The following NRP1 variants were observed in gnomAD, a reference collection of about 807,000 sequenced individuals.
NRP1 encodes the protein neuropilin 1.
A neutral mutation model predicts 106.7 loss-of-function variants in NRP1; 35 were observed. The observed-to-expected ratio is 0.33, with a 90% CI of 0.25 to 0.43. NRP1 has a LOEUF of 0.43. Among genes scored for constraint, NRP1 ranks in the 20% least tolerant of loss-of-function variants. The pLI, the probability that NRP1 is intolerant of heterozygous loss-of-function variation, is 1.00. For synonymous variants in NRP1, 437 were observed against 417.9 expected, an observed-to-expected ratio of 1.05 and a Z score of -0.56; for missense variants, 1,024 against 1,170.4, an observed-to-expected ratio of 0.87 and a Z score of 1.83.
chr10:33,245,886 G>A lies in NRP1; in HGVS notation c.981+8142C>T, dbSNP rs550087009. On this transcript the variant is annotated intron_variant, in intron 6 of 16. Coordinates refer to ENST00000374867, the MANE Select transcript of NRP1 (RefSeq NM_003873.7). ...AAGAAACCAAAACTGTAAGTAAAAT[G>A]GAAAGTTGATGCTACACAGGTAATT... Among the ~76,000 whole-genome samples the A allele has an allele frequency of 2.6e-5, 4 of 152,240 alleles. No homozygotes were observed. The East Asian group carries it at 5.8e-4, about 22-fold the overall frequency.
chr10:33,288,978 C>T (rs1844787281), intron 2 of NRP1, among the ~76,000 whole-genome samples: 1 of 152,046 alleles, frequency 6.6e-6, no homozygotes, highest in Admixed American at 6.6e-5. Context: ...TTCTGAGAAT[C>T]AAAAACAGTA....
chr10:33,295,239 T>C (rs143159494), intron 2 of NRP1, among the ~76,000 whole-genome samples: 6 of 152,138 alleles, frequency 3.9e-5, no homozygotes, highest in African/African-American at 1.4e-4. Flanking sequence ...AATAAAACAG[T>C]GGTGGGAGAG....
At chr10:33,252,645 G>A in intron 6 of NRP1, among the ~76,000 whole-genome samples, 1 of 152,070 alleles carries the variant, frequency 6.6e-6, no homozygotes, top group Non-Finnish European at 1.5e-5. Flanking sequence ...CAAAATGTAA[G>A]CTTCCCCCGA....
chr10:33,260,089 C>T (rs564219909), intron 4 of NRP1, among the ~76,000 whole-genome samples: 2 of 152,268 alleles, frequency 1.3e-5, no homozygotes, highest in African/African-American at 4.8e-5. Context: ...TCTTGAACTC[C>T]TGGCCTCAAG....
intron 2 of NRP1, among the ~76,000 whole-genome samples, chr10:33,290,347 G>T (rs913109739): frequency 1.1e-4 from 14 of 121,794 alleles, no homozygotes; most frequent in African/African-American, 3.4e-4. Flanking sequence ...GTTACCAAGA[G>T]GTTTTTTTTT....
At chr10:33,255,440 A>G (rs1334534981) in intron 5 of NRP1, among the ~76,000 whole-genome samples, 1 of 151,812 alleles carries the variant, frequency 6.6e-6, no homozygotes, top group African/African-American at 2.4e-5. Flanking sequence ...TGCACAAACA[A>G]TTTTTTCTTT....
chr10:33,237,667 C>G (rs949214642), intron 6 of NRP1, among the ~76,000 whole-genome samples: 2 of 149,794 alleles, frequency 1.3e-5, no homozygotes, highest in Non-Finnish European at 3.0e-5. Flanking sequence ...CAACCTCCAC[C>G]TCTTGAGTTC....
rs764061468 is a variant in NRP1 at position 33,270,835 on chromosome 10, G to A, written c.270C>T (p.Phe90=). 2.2e-5 allele frequency: 35 copies of A among 1,612,418 alleles called. No individual in the cohort carries two copies. Among genetic ancestry groups the A allele is most frequent in the East Asian group, 1.3e-4 (6 of 44,826 alleles). The change falls in exon 3 of 17, where the codon TTC becomes TTT. Residue 90 remains phenylalanine, a synonymous_variant. Transcript: ENST00000374867. ...RDCKYDYVEV[F]DGENENGHFR... ...AATGTCCATTTTCATTTTCTCCATC[G>A]AAGACTTCCACGTAGTCATACCTAA... is the stretch of plus-strand genomic sequence containing the variant.
chr10:33,206,154 C>G (rs569992929), intron 10 of NRP1: 4 of 508,290 alleles, frequency 7.9e-6, no homozygotes, highest in African/African-American at 5.8e-5. Context: ...TTCACTCCAC[C>G]TCCTAAATCA....
intron 8 of NRP1, among the ~76,000 whole-genome samples, chr10:33,216,445 C>T (rs1220253637): frequency 2.0e-5 from 3 of 149,880 alleles, no homozygotes; most frequent in East Asian, 2.0e-4. Flanking sequence ...CTCTACACCC[C>T]GGCCTTTTTT....
In NRP1 at chr10:33,197,724, CA is replaced by C; in HGVS notation, c.1865-16del. ...AGTGGTGCCACCTGAAAAACAAAAA[CA>C]GGAACATGCAAAAATAAGAAAACAG... On this transcript the variant is annotated splice_polypyrimidine_tract_variant and intron_variant, in intron 11 of 16. Transcript: ENST00000374867. 6.5e-7 allele frequency: 1 copy of C among 1,543,408 alleles called. No individual in the cohort carries two copies. Among genetic ancestry groups the C allele is most frequent in the Non-Finnish European group, 8.9e-7 (1 of 1,123,490 alleles).
At chr10:33,280,975 G>T (rs1180629289) in intron 2 of NRP1, among the ~76,000 whole-genome samples, 1 of 106,818 alleles carries the variant, frequency 9.4e-6, no homozygotes, top group Middle Eastern at 4.4e-3. Context: ...TGTCTCAAAA[G>T]AAAAAAAAAA....
chr10:33,213,098 T>A, intron 9 of NRP1: 1 of 743,984 alleles, frequency 1.3e-6, no homozygotes, highest in Non-Finnish European at 2.1e-6. Flanking sequence ...ATGGCTGCTG[T>A]CAGCCTTGGG....
chr10:33,182,737 G>C lies in NRP1; in HGVS notation c.2443C>G (p.Leu815Val). 1.2e-6 allele frequency: 2 copies of C among 1,612,604 alleles called. No individual in the cohort carries two copies. Among genetic ancestry groups the C allele is most frequent in the South Asian group, 1.1e-5 (1 of 90,830 alleles). ...SQEDCAKPAD[L>V]DKKNPEIKID... ...TTAATTTCTGGGTTCTTTTTATCCA[G>C]GTCTGCTGGTTCTGACAAGTCAAAC... is the stretch of plus-strand genomic sequence containing the variant. Residue 815 changes from leucine (L) to valine (V), a missense_variant, in exon 16 of 17, where the codon CTG becomes GTG. Physicochemically the swap from Leu to Val is conservative, Grantham distance 32. Transcript: ENST00000374867.
chr10:33,219,735 G>T (rs1376081079), intron 8 of NRP1, among the ~76,000 whole-genome samples: 1 of 152,140 alleles, frequency 6.6e-6, no homozygotes, highest in Non-Finnish European at 1.5e-5. Flanking sequence ...CAACTAAAAG[G>T]ATGTGACATA....
At chr10:33,232,290 C>T (rs571490568) in intron 6 of NRP1, among the ~76,000 whole-genome samples, 1 of 152,166 alleles carries the variant, frequency 6.6e-6, no homozygotes, top group Non-Finnish European at 1.5e-5. Flanking sequence ...AATTAAGTAA[C>T]CTGCTTTCCC....
At chr10:33,265,991 T>C (rs1283704907) in intron 3 of NRP1, among the ~76,000 whole-genome samples, 1 of 152,126 alleles carries the variant, frequency 6.6e-6, no homozygotes, top group African/African-American at 2.4e-5. Context: ...ATCCACAGTG[T>C]AGAAACAGTT....
At chr10:33,230,981 C>A (rs1840077581) in intron 6 of NRP1, among the ~76,000 whole-genome samples, 1 of 152,124 alleles carries the variant, frequency 6.6e-6, no homozygotes, top group Non-Finnish European at 1.5e-5. Context: ...CTTCAATCTA[C>A]CTTTTTAGCC....
At chr10:33,255,378 C>G (rs1243912504) in intron 5 of NRP1, among the ~76,000 whole-genome samples, 1 of 152,096 alleles carries the variant, frequency 6.6e-6, no homozygotes, top group Non-Finnish European at 1.5e-5. Flanking sequence ...CTCCAAACAC[C>G]CCCTGTCCTC....
Sources: gnomAD v4.1 joint callset for allele counts (sites outside exome capture counted in the v4.1 genomes callset) on GRCh38, gnomAD v4.1.1 for gene constraint, MANE v1.5 for transcripts, NCBI Gene and HGNC (gene_info 2026-07-23, HGNC 2026-07-21) for gene names.